TANC2: variants seen among roughly 807,000 people sequenced by gnomAD.
TANC2 encodes the protein protein TANC2.
A neutral mutation model predicts 210.5 loss-of-function variants in TANC2; 26 were observed. The ratio of observed to expected loss-of-function variants is 0.12; its 90% CI spans 0.09 to 0.17. The LOEUF is 0.17. TANC2 is among the 10% of genes least tolerant of loss of function. TANC2 has a pLI of 1.00. For synonymous variants in TANC2, 931 were observed against 967.1 expected (o/e 0.96, Z 0.69); for missense variants, 2,129 against 2,608.9 (o/e 0.82, Z 4.01).
chr17:63,107,251 G>A (rs992762144), intron 4 of TANC2, among the ~76,000 whole-genome samples: 2 of 151,600 alleles, frequency 1.3e-5, no homozygotes, highest in African/African-American at 4.9e-5. Context: ...AGCATTTCCA[G>A]GGAGTGTTAT....
intron 14 of TANC2, among the ~76,000 whole-genome samples, chr17:63,364,713 G>C (rs2047060536): frequency 1.3e-5 from 2 of 152,018 alleles, no homozygotes; most frequent in African/African-American, 4.8e-5. Flanking sequence ...CTTGAGGCCA[G>C]GAGTTCAAGG....
chr17:63,250,282 G>GTATT (rs372173982), intron 8 of TANC2, among the ~76,000 whole-genome samples: 15,778 of 150,720 alleles, frequency 0.1, 1,156 homozygotes, highest in African/African-American at 0.2. Flanking sequence ...AAATATTATA[G>GTATT]TATTTATTTA....
intron 1 of TANC2, among the ~76,000 whole-genome samples, chr17:63,000,162 G>A (rs937693387): frequency 6.6e-5 from 10 of 152,168 alleles, no homozygotes; most frequent in East Asian, 5.8e-4. Flanking sequence ...AAATCTGTAC[G>A]CCAAACCCTG....
chr17:63,376,574 A>G (rs77312347), intron 14 of TANC2, among the ~76,000 whole-genome samples: 1 of 152,300 alleles, frequency 6.6e-6, no homozygotes, highest in African/African-American at 2.4e-5. Flanking sequence ...CATCAAATGG[A>G]TTTCATTCCA....
chr17:63,107,605 GATAA>G (rs1183637459), intron 4 of TANC2, among the ~76,000 whole-genome samples: 1 of 151,550 alleles, frequency 6.6e-6, no homozygotes, highest in African/African-American at 2.4e-5. Context: ...CTGATGAGTG[GATAA>G]ATAAAAAGTG....
chr17:63,392,121 C>T (rs2047999462), intron 17 of TANC2, among the ~76,000 whole-genome samples: 1 of 152,142 alleles, frequency 6.6e-6, no homozygotes, highest in African/African-American at 2.4e-5. Context: ...GGTCTTCCTT[C>T]CGTCCTCATA....
rs74634437 is a variant in TANC2 at position 63,109,105 on chromosome 17, A to G, written c.322+9748A>G. 4.6e-5 allele frequency among the ~76,000 whole-genome samples: 7 copies of G among 151,778 alleles called. No individual in the cohort carries two copies. In the East Asian group the frequency reaches 1.4e-3, roughly 29 times the overall value. ...TGTAGCCAAAGTGGTACTCTATGGA[A>G]AAGTCATTACCTTGAATACTTTTAT... On this transcript the variant is annotated intron_variant, in intron 4 of 27. Coordinates refer to ENST00000689528, the Ensembl canonical transcript of TANC2.
chr17:63,269,541 C>CATTGTTGAG (rs1245151556), intron 9 of TANC2, among the ~76,000 whole-genome samples: 1 of 152,098 alleles, frequency 6.6e-6, no homozygotes, highest in African/African-American at 2.4e-5. Flanking sequence ...AACATACTGA[C>CATTGTTGAG]ATTGTTGACT....
At chr17:63,066,411 G>A (rs1026521119) in intron 2 of TANC2, among the ~76,000 whole-genome samples, 54 of 152,132 alleles carry the variant, frequency 3.5e-4, no homozygotes, top group Non-Finnish European at 4.6e-4. Context: ...GCCTGAAGCT[G>A]TCGGGGCTCA....
At chr17:63,387,717 C>G (rs2047830541) in intron 15 of TANC2, among the ~76,000 whole-genome samples, 1 of 152,158 alleles carries the variant, frequency 6.6e-6, no homozygotes, top group Admixed American at 6.5e-5. Flanking sequence ...GAGTGTCTAA[C>G]AATCAGGAGA....
chr17:63,411,952 G>C (rs373886598), intron 22 of TANC2, 46 bp from the exon 23 acceptor site: 28 of 1,609,476 alleles, frequency 1.7e-5, no homozygotes, highest in African/African-American at 4.0e-5. Context: ...GAACAGTGCT[G>C]AGCCATTACG....
intron 1 of TANC2, among the ~76,000 whole-genome samples, chr17:63,000,121 A>C (rs184608901): frequency 1.3e-5 from 2 of 152,172 alleles, no homozygotes. Flanking sequence ...AAAATTACCT[A>C]TTAGATACTG....
At chr17:63,119,650 C>G (rs956170684) in intron 4 of TANC2, among the ~76,000 whole-genome samples, 5 of 152,056 alleles carry the variant, frequency 3.3e-5, no homozygotes, top group African/African-American at 4.8e-5. Flanking sequence ...TTATGACTAT[C>G]CTCACACATG....
At position 63,345,410 on chromosome 17, in the gene TANC2, G is replaced by A. The variant is rs572815104; in HGVS notation, c.1807+5078G>A. ...CAACGCAGGTGGATCACCTGAGGTC[G>A]GGAGTTTGAGACCAGCCTGACCAAC... On this transcript the variant is annotated intron_variant, in intron 12 of 27. Coordinates refer to ENST00000689528, the Ensembl canonical transcript of TANC2. Among the ~76,000 whole-genome samples, 583 of 152,032 alleles carry A rather than the reference G, an allele frequency of 3.8e-3. 4 individuals carry two copies. Among genetic ancestry groups the A allele is most frequent in the Middle Eastern group, 0.01 (3 of 294 alleles).
At chr17:63,122,481 A>G (rs890494524) in intron 4 of TANC2, among the ~76,000 whole-genome samples, 2 of 152,240 alleles carry the variant, frequency 1.3e-5, no homozygotes, top group African/African-American at 4.8e-5. Context: ...TCATGCCTGT[A>G]ATCCCAGCAC....
At chr17:63,152,994 TAAA>T (rs1269715166) in intron 5 of TANC2, 1 of 152,132 alleles carries the variant, frequency 6.6e-6, no homozygotes, top group Non-Finnish European at 1.5e-5. Context: ...AAAGTGCTGC[TAAA>T]AAAGTCTTTC....
intron 5 of TANC2, among the ~76,000 whole-genome samples, chr17:63,171,711 A>T (rs1318502658): frequency 6.6e-6 from 1 of 152,230 alleles, no homozygotes; most frequent in African/African-American, 2.4e-5. Context: ...TTTTATTAAA[A>T]CTGAGTATCA....
At chr17:62,997,931 G>A (rs2033194008) in intron 1 of TANC2, among the ~76,000 whole-genome samples, 1 of 152,144 alleles carries the variant, frequency 6.6e-6, no homozygotes, top group Non-Finnish European at 1.5e-5. Flanking sequence ...CTGGCAAACA[G>A]GCTGAGATGA....
intron 19 of TANC2, among the ~76,000 whole-genome samples, chr17:63,402,732 A>G (rs1388383999): frequency 1.3e-5 from 2 of 152,370 alleles, no homozygotes; most frequent in East Asian, 3.9e-4. Context: ...AAGCTAGGAA[A>G]CAAATTCTGT....
Sources: gnomAD v4.1 joint callset for allele counts (sites outside exome capture counted in the v4.1 genomes callset) on GRCh38, gnomAD v4.1.1 for gene constraint, MANE v1.5 for transcripts, NCBI Gene and HGNC (gene_info 2026-07-23, HGNC 2026-07-21) for gene names.